Variants in EDIL3 observed in about 807,000 individuals in gnomAD.
EDIL3 encodes EGF-like repeat and discoidin I-like domain-containing protein 3.
In EDIL3, 37 loss-of-function variants were observed where a neutral mutation model predicts 67.4. The observed-to-expected ratio is 0.55, with a 90% confidence interval of 0.42 to 0.72. The LOEUF (loss-of-function observed/expected upper bound fraction) is 0.72. EDIL3 is among the 30% of genes least tolerant of loss of function. The probability of loss-of-function intolerance (pLI) is 0.00; values close to 1 mark genes in which losing one functional copy is unlikely to be tolerated. For missense variants in EDIL3, 527 were observed against 586.3 expected (o/e 0.90, Z 1.04); for synonymous variants, 195 against 196.3 (o/e 0.99, Z 0.05).
chr5:84,219,095 G>A (rs1427177902), intron 3 of EDIL3, among the ~76,000 whole-genome samples: 1 of 152,190 alleles, frequency 6.6e-6, no homozygotes, highest in African/African-American at 2.4e-5. Context: ...TGCTATCCCA[G>A]TGTTGGTGGC....
At chr5:84,183,972 G>A (rs968277626) in intron 3 of EDIL3, among the ~76,000 whole-genome samples, 1 of 152,126 alleles carries the variant, frequency 6.6e-6, no homozygotes, top group Non-Finnish European at 1.5e-5. Flanking sequence ...CGGGTGTAGT[G>A]GCGCATGGCT....
intron 3 of EDIL3, among the ~76,000 whole-genome samples, chr5:84,227,068 G>A (rs1297077135): frequency 6.6e-6 from 1 of 151,980 alleles, no homozygotes; most frequent in Non-Finnish European, 1.5e-5. Context: ...ACTTAGTAAG[G>A]TGTGGGCAGC....
At chr5:84,276,455 C>A (rs965754520) in intron 1 of EDIL3, among the ~76,000 whole-genome samples, 1 of 152,100 alleles carries the variant, frequency 6.6e-6, no homozygotes, top group African/African-American at 2.4e-5. Flanking sequence ...TCTGTAATTG[C>A]TTTTCTGTAA....
intron 4 of EDIL3, among the ~76,000 whole-genome samples, chr5:84,171,495 G>A (rs766251375): frequency 6.6e-6 from 1 of 152,148 alleles, no homozygotes; most frequent in Non-Finnish European, 1.5e-5. Flanking sequence ...GCAGGGGGTG[G>A]ATCCGATTAA....
intron 1 of EDIL3, among the ~76,000 whole-genome samples, chr5:84,334,793 T>C (rs1410053708): frequency 2.0e-5 from 3 of 152,150 alleles, no homozygotes; most frequent in African/African-American, 7.2e-5. Context: ...TAAATTATCT[T>C]TCAGTAAATA....
chr5:84,035,932 A>T (rs1746014995), intron 9 of EDIL3, among the ~76,000 whole-genome samples: 1 of 152,180 alleles, frequency 6.6e-6, no homozygotes, highest in African/African-American at 2.4e-5. Flanking sequence ...AAACTTTTTA[A>T]GGGCAGGAAA....
At chr5:83,966,530 C>A (rs1744694312) in intron 9 of EDIL3, among the ~76,000 whole-genome samples, 1 of 151,984 alleles carries the variant, frequency 6.6e-6, no homozygotes, top group African/African-American at 2.4e-5. Flanking sequence ...GCAAAAAATC[C>A]TCTCCAATCT....
intron 1 of EDIL3, among the ~76,000 whole-genome samples, chr5:84,291,559 A>C (rs973045169): frequency 2.0e-5 from 3 of 151,616 alleles, no homozygotes; most frequent in Non-Finnish European, 4.4e-5. Context: ...TTTAGACAAA[A>C]ATTGATACAA....
At chr5:84,358,115 C>A (rs927925144) in intron 1 of EDIL3, among the ~76,000 whole-genome samples, 1 of 152,030 alleles carries the variant, frequency 6.6e-6, no homozygotes, top group Non-Finnish European at 1.5e-5. Flanking sequence ...TACATGGGAA[C>A]CCCAGAATTT....
intron 2 of EDIL3, among the ~76,000 whole-genome samples, chr5:84,234,576 A>C (rs1487398223): frequency 6.6e-6 from 1 of 152,118 alleles, no homozygotes; most frequent in Middle Eastern, 3.2e-3. Flanking sequence ...TTCATTTTTG[A>C]GTGTTTTAAG....
intron 1 of EDIL3, among the ~76,000 whole-genome samples, chr5:84,372,368 T>A (rs905374130): frequency 1.5e-4 from 23 of 152,046 alleles, no homozygotes; most frequent in African/African-American, 5.1e-4. Context: ...ATGAGTATAT[T>A]AAAAGGAGAG....
At chr5:84,139,342 G>C (rs1363574684) in intron 4 of EDIL3, among the ~76,000 whole-genome samples, 1 of 151,406 alleles carries the variant, frequency 6.6e-6, no homozygotes, top group African/African-American at 2.4e-5. Flanking sequence ...AGGGAAGGAG[G>C]GAGGGAGGGG....
chr5:84,187,060 T>C (rs959978677), intron 3 of EDIL3, among the ~76,000 whole-genome samples: 1 of 152,090 alleles, frequency 6.6e-6, no homozygotes, highest in African/African-American at 2.4e-5. Flanking sequence ...ACTTTCAAGA[T>C]ACAAGAGGCT....
chr5:84,269,833 T>G (rs2112094700), intron 1 of EDIL3, among the ~76,000 whole-genome samples: 1 of 152,296 alleles, frequency 6.6e-6, no homozygotes, highest in Admixed American at 6.5e-5. Flanking sequence ...CCAAACTACC[T>G]GGCCTGCCAT....
chr5:84,333,364 T>C (rs563751093), intron 1 of EDIL3, among the ~76,000 whole-genome samples: 1 of 152,106 alleles, frequency 6.6e-6, no homozygotes, highest in Non-Finnish European at 1.5e-5. Flanking sequence ...AAAGAAAGGT[T>C]CTTAACATTT....
intron 9 of EDIL3, among the ~76,000 whole-genome samples, chr5:83,991,392 C>T (rs1745147945): frequency 6.6e-6 from 1 of 152,096 alleles, no homozygotes; most frequent in African/African-American, 2.4e-5. Flanking sequence ...GGTAACCAAT[C>T]ACTCTATCTT....
Position 84,052,168 on chromosome 5 carries a change from G to T in EDIL3, c.1137+8132C>A, listed in dbSNP as rs1337223285. Among the ~76,000 whole-genome samples the T allele has an allele frequency of 2.6e-5, 4 of 152,270 alleles. No individual in the cohort carries two copies. In the East Asian group the frequency reaches 7.7e-4, roughly 29 times the overall value. On this transcript the variant is annotated intron_variant, in intron 9 of 10. Transcript: ENST00000296591. The stretch of plus-strand genomic sequence containing the variant: ...GGGGCCAATATTTAACATTCTTAAA[G>T]AAAAGAATTTTCAACCCAGAATTTC...
At chr5:84,182,909 C>A (rs917854606) in intron 3 of EDIL3, among the ~76,000 whole-genome samples, 3 of 151,964 alleles carry the variant, frequency 2.0e-5, no homozygotes, top group Non-Finnish European at 4.4e-5. Context: ...TTATCTAACA[C>A]CTGCCTTCGA....
At chr5:84,220,139 A>C (rs1479295612) in intron 3 of EDIL3, among the ~76,000 whole-genome samples, 1 of 152,210 alleles carries the variant, frequency 6.6e-6, no homozygotes, top group Non-Finnish European at 1.5e-5. Flanking sequence ...ACATAGGGTA[A>C]ATGCTTGAGA....
Sources: allele counts gnomAD v4.1 joint callset (sites outside exome capture counted in the v4.1 genomes callset), GRCh38; gene constraint gnomAD v4.1.1; transcripts MANE v1.5; gene names NCBI Gene and HGNC (gene_info 2026-07-23, HGNC 2026-07-21).